Variants in AHI1 observed in about 807,000 individuals in gnomAD.
The protein encoded by AHI1 is Abelson helper integration site 1, also known as jouberin.
In AHI1, 123 loss-of-function variants were observed where a neutral mutation model predicts 149.3. The observed-to-expected ratio is 0.82, with a 90% CI of 0.71 to 0.96. The LOEUF is 0.96. Among genes scored for constraint, AHI1 ranks in the 40% least tolerant of loss-of-function variants. The pLI is 0.00. For synonymous variants in AHI1, 475 were observed against 459.8 expected (o/e 1.03, Z -0.42); for missense variants, 1,439 against 1,422.7 (o/e 1.01, Z -0.18).
chr6:135,459,822 G>C lies in AHI1; in HGVS notation c.932-2109C>G, dbSNP rs76698711. On this transcript the variant is annotated intron_variant, in intron 8 of 28. Coordinates refer to ENST00000265602, the MANE Select transcript of AHI1 (RefSeq NM_001134831.2). ...GGCAAGCAAAATGATAAGGCATAAGGACTGAAAAAGAAGCGATAAAACTAT... is the reference window on the plus strand; with the variant it reads ...GGCAAGCAAAATGATAAGGCATAAGCACTGAAAAAGAAGCGATAAAACTAT... Among the ~76,000 whole-genome samples, 1,196 of 151,050 alleles carry C rather than the reference G, an allele frequency of 7.9e-3. 15 individuals are homozygous for C. The highest frequency in any genetic ancestry group is 0.028 in the African/African-American group (1,142 of 41,192).
chr6:135,434,589 T>A (rs1785123579), intron 15 of AHI1, among the ~76,000 whole-genome samples: 1 of 151,804 alleles, frequency 6.6e-6, no homozygotes. Flanking sequence ...GACATAATAT[T>A]AAAAAAATAA....
intron 17 of AHI1, among the ~76,000 whole-genome samples, chr6:135,430,427 T>C (rs1442481818): frequency 1.3e-5 from 2 of 151,924 alleles, no homozygotes; most frequent in Admixed American, 6.6e-5. Flanking sequence ...AACAACAGAA[T>C]GAACTGCTTT....
chr6:135,466,933 C>A (rs1790856429), intron 6 of AHI1, among the ~76,000 whole-genome samples: 1 of 152,066 alleles, frequency 6.6e-6, no homozygotes, highest in Non-Finnish European at 1.5e-5. Flanking sequence ...GTACCTCCTT[C>A]CCCAATTAAA....
In AHI1 at chr6:135,463,298, G is replaced by A. The variant is rs1172373604; in HGVS notation, c.758C>T (p.Thr253Ile). ...ACCTTCAACTGTGTCACCAGAGATG[G>A]TCAATGTACTACAAATATAATCCAA... ...VFSKAETSTL[T>I]ISGDTVEGEQ... Residue 253 changes from threonine (T) to isoleucine (I), a missense_variant, in exon 8 of 29, where the codon ACC becomes ATC. Thr to Ile is a moderately conservative substitution (Grantham distance 89). Coordinates refer to ENST00000265602, the MANE Select transcript of AHI1 (RefSeq NM_001134831.2). The A allele has an allele frequency of 3.1e-6, 5 of 1,602,462 alleles. No individual in the cohort carries two copies. In the African/African-American group the frequency reaches 5.4e-5, roughly 17 times the overall value.
At chr6:135,373,258 C>T (rs972528876) in intron 23 of AHI1, among the ~76,000 whole-genome samples, 3 of 152,126 alleles carry the variant, frequency 2.0e-5, no homozygotes, top group African/African-American at 7.2e-5. Flanking sequence ...TGTTTAGATA[C>T]ACAATTTTTA....
chr6:135,313,609 G>C (rs1361677505), intron 26 of AHI1, among the ~76,000 whole-genome samples: 2 of 152,280 alleles, frequency 1.3e-5, no homozygotes, highest in African/African-American at 2.4e-5. Context: ...CACTCTATGA[G>C]GGGCAAAAGT....
rs374123241 is a variant in AHI1, at chr6:135,470,394, GAAGAC to G, written c.136-2765_136-2761del. ...AATGTAAATTAGTTCAACCATTGTG[GAAGAC>G]ACTGTGGCGATTCCACAAAGACCTA... On this transcript the variant is annotated intron_variant, in intron 5 of 28. Transcript: ENST00000265602. Among the ~76,000 whole-genome samples the G allele has an allele frequency of 9.6e-3, 1,456 of 152,304 alleles. 13 individuals carry two copies. Among genetic ancestry groups the G allele is most frequent in the Non-Finnish European group, 0.017 (1,151 of 68,016 alleles).
intron 3 of AHI1, among the ~76,000 whole-genome samples, chr6:135,495,020 T>C (rs569598864): frequency 4.6e-5 from 7 of 152,342 alleles, no homozygotes; most frequent in African/African-American, 1.7e-4. Context: ...GTGACACCTG[T>C]AGAAGGGACA....
chr6:135,465,269 G>A (rs1344558292), intron 7 of AHI1, among the ~76,000 whole-genome samples: 1 of 152,080 alleles, frequency 6.6e-6, no homozygotes, highest in African/African-American at 2.4e-5. Context: ...ATATGTGTAT[G>A]TTCACTTAAC....
chr6:135,467,564 G>C lies in AHI1; in HGVS notation c.189+17C>G, dbSNP rs747351212. The C allele has an allele frequency of 2.5e-6, 4 of 1,591,286 alleles. No individual in the cohort carries two copies. Among genetic ancestry groups the C allele is most frequent in the Non-Finnish European group, 3.4e-6 (4 of 1,159,902 alleles). ...TCTCATGCTCTTCTTCAGGCTGTTA[G>C]TGTTAGCAGTACTTACATCATCACT... On this transcript the variant is annotated intron_variant, in intron 6 of 28. Transcript: ENST00000265602.
In AHI1 at chr6:135,359,856, A is replaced by T. The variant is rs1473050090; in HGVS notation, c.3110-1669T>A. Among the ~76,000 whole-genome samples the T allele has an allele frequency of 2.0e-5, 3 of 152,188 alleles. No individual in the cohort carries two copies. The East Asian group carries it at 5.8e-4, about 29-fold the overall frequency. On this transcript the variant is annotated intron_variant, in intron 23 of 28. Coordinates refer to ENST00000265602, the MANE Select transcript of AHI1 (RefSeq NM_001134831.2). ...AAAATAATAAAAACCAAAGCAAACCAGGCAAAAATCTATATATACAGTTTA... is the reference window on the plus strand; with the variant it reads ...AAAATAATAAAAACCAAAGCAAACCTGGCAAAAATCTATATATACAGTTTA...
chr6:135,314,303 T>A (rs1368183672), intron 26 of AHI1, among the ~76,000 whole-genome samples: 1 of 152,216 alleles, frequency 6.6e-6, no homozygotes, highest in Non-Finnish European at 1.5e-5. Flanking sequence ...CTCTCTGCTC[T>A]CTGCCCAGTG....
intron 20 of AHI1, among the ~76,000 whole-genome samples, chr6:135,425,744 C>T (rs1407678879): frequency 6.6e-6 from 1 of 151,782 alleles, no homozygotes; most frequent in Non-Finnish European, 1.5e-5. Flanking sequence ...TTAGCTCTTT[C>T]TCCTACTAGG....
chr6:135,468,671 C>A (rs540703514), intron 5 of AHI1, among the ~76,000 whole-genome samples: 2 of 152,122 alleles, frequency 1.3e-5, no homozygotes, highest in South Asian at 4.2e-4. Flanking sequence ...GGGGATATCC[C>A]CATCGACCCC....
chr6:135,495,197 C>T (rs911089504), intron 3 of AHI1: 1 of 151,028 alleles, frequency 6.6e-6, no homozygotes, highest in South Asian at 2.1e-4. Flanking sequence ...AAAAAATCAT[C>T]ATCTACACAG....
At position 135,394,874 on chromosome 6, in the gene AHI1, G is replaced by A. The variant is rs1583010980; in HGVS notation, c.3011C>T (p.Thr1004Ile). 6.2e-7 allele frequency: 1 copy of A among 1,600,760 alleles called. No homozygotes were observed. The highest frequency in any genetic ancestry group is 1.3e-5 in the African/African-American group (1 of 74,862). Residue 1004 changes from threonine (T) to isoleucine (I), a missense_variant, in exon 23 of 29, where the codon ACT becomes ATT. Physicochemically the swap from Thr to Ile is moderately conservative, Grantham distance 89. Transcript: ENST00000265602. ...AAKVNKNLSF[T>I]SPPAVSSQQS... is the part of the protein sequence containing the mutation. ...TTGTGAGGAAACTGCTGGTGGTGAA[G>A]TAAATGAGAGATTTTTGTTGACCTG...
intron 27 of AHI1, among the ~76,000 whole-genome samples, chr6:135,293,831 A>G (rs1368697742): frequency 6.6e-6 from 1 of 152,240 alleles, no homozygotes; most frequent in Admixed American, 6.5e-5. Context: ...ATTAAATGCA[A>G]TATCAATTGG....
intron 5 of AHI1, among the ~76,000 whole-genome samples, chr6:135,475,542 C>A (rs1792466965): frequency 6.6e-6 from 1 of 152,188 alleles, no homozygotes; most frequent in African/African-American, 2.4e-5. Context: ...GGAGTCTGAG[C>A]AGCTGAGGTC....
chr6:135,388,123 C>A, intron 23 of AHI1: 1 of 1,403,592 alleles, frequency 7.1e-7, no homozygotes, highest in Non-Finnish European at 9.8e-7. Context: ...AGGGCATCTG[C>A]CTATAGAAAT....
Sources: allele counts gnomAD v4.1 joint callset (sites outside exome capture counted in the v4.1 genomes callset), GRCh38; gene constraint gnomAD v4.1.1; transcripts MANE v1.5; gene names NCBI Gene and HGNC (gene_info 2026-07-23, HGNC 2026-07-21).